NDFIP2: variants seen among roughly 807,000 people sequenced by gnomAD.
The protein encoded by NDFIP2 is NEDD4 family-interacting protein 2.
NDFIP2 carries 19 observed loss-of-function variants against 36.0 expected under a neutral mutation model. The observed-to-expected ratio is 0.53, with a 90% CI of 0.37 to 0.77. The LOEUF (loss-of-function observed/expected upper bound fraction) is 0.77, where lower values mean the gene tolerates loss of function less well. Ranked by LOEUF, NDFIP2 falls within the 30% of genes least tolerant of loss-of-function variation. NDFIP2 has a pLI of 0.00. For synonymous variants in NDFIP2, 181 were observed against 167.7 expected (o/e 1.08, Z -0.61); for missense variants, 446 against 435.8 (o/e 1.02, Z -0.21).
At chr13:79,541,501 C>T (rs1228360582) in intron 4 of NDFIP2, among the ~76,000 whole-genome samples, 1 of 151,630 alleles carries the variant, frequency 6.6e-6, no homozygotes, top group East Asian at 1.9e-4. Context: ...TCCTGTTTTA[C>T]AAATATTGTA....
chr13:79,509,720 C>T lies in NDFIP2; in HGVS notation c.322-11090C>T, dbSNP rs1399026492. Among the ~76,000 whole-genome samples, 3 of 147,428 alleles carry T rather than the reference C, an allele frequency of 2.0e-5. No individual in the cohort carries two copies. In the East Asian group the frequency reaches 5.9e-4, roughly 29 times the overall value. ...AGAGAGAGAGAGAAGTTTATTAACT[C>T]ACACGATCACAAGGTCCCACAGTAG... On this transcript the variant is annotated intron_variant, in intron 1 of 7. Coordinates refer to ENST00000218652, the MANE Select transcript of NDFIP2 (RefSeq NM_019080.3).
chr13:79,522,314 T>C (rs1874617796), intron 2 of NDFIP2, among the ~76,000 whole-genome samples: 1 of 152,186 alleles, frequency 6.6e-6, no homozygotes, highest in Non-Finnish European at 1.5e-5. Context: ...GTTTTCACAA[T>C]ATAATAATAA....
intron 1 of NDFIP2, among the ~76,000 whole-genome samples, chr13:79,482,989 A>C (rs1010554564): frequency 6.6e-6 from 1 of 152,194 alleles, no homozygotes; most frequent in Non-Finnish European, 1.5e-5. Context: ...AACTTGTTTC[A>C]TTTTTCCTAC....
chr13:79,516,847 G>A (rs1253832494), intron 1 of NDFIP2, among the ~76,000 whole-genome samples: 1 of 152,100 alleles, frequency 6.6e-6, no homozygotes, highest in Non-Finnish European at 1.5e-5. Context: ...AGAACATTCA[G>A]TGAGGTCTCT....
In NDFIP2 at chr13:79,554,085, CTAA is replaced by C. The variant is rs1307650624; in HGVS notation, c.*1575_*1577del. ...TGATAAATAAAACAGTTTTGTTTTGCTAATATAGCCTATTTTTTGTTTTGTCTC... is the reference window on the plus strand; with the variant it reads ...TGATAAATAAAACAGTTTTGTTTTGCTATAGCCTATTTTTTGTTTTGTCTC... On this transcript the variant is annotated 3_prime_UTR_variant, in exon 8 of 8. Coordinates refer to ENST00000218652, the MANE Select transcript of NDFIP2 (RefSeq NM_019080.3). 2.0e-5 allele frequency: 3 copies of C among 151,332 alleles called. No homozygotes were observed. Among genetic ancestry groups the C allele is most frequent in the African/African-American group, 7.3e-5 (3 of 41,342 alleles). 9.4% of individuals were successfully genotyped at this position (151,332 alleles called of 1,614,324 possible). A position where few individuals can be genotyped will look rare whatever the true frequency, so the allele number is the denominator to read the frequency against.
intron 1 of NDFIP2, 75 bp downstream of exon 1, chr13:79,481,599 A>G: frequency 1.4e-6 from 2 of 1,449,136 alleles, no homozygotes; most frequent in South Asian, 1.3e-5. Context: ...TCCTCAGGTT[A>G]TTCCCGGAGG....
chr13:79,546,080 C>T (rs138973660), intron 5 of NDFIP2, among the ~76,000 whole-genome samples: 1 of 152,248 alleles, frequency 6.6e-6, no homozygotes, highest in African/African-American at 2.4e-5. Flanking sequence ...CAATTCATTG[C>T]CTATTTTCCT....
chr13:79,524,879 C>A (rs1458605250), intron 2 of NDFIP2, among the ~76,000 whole-genome samples: 1 of 152,160 alleles, frequency 6.6e-6, no homozygotes, highest in African/African-American at 2.4e-5. Flanking sequence ...TCTGTCCTTC[C>A]ATGTTTTATG....
intron 1 of NDFIP2, among the ~76,000 whole-genome samples, chr13:79,492,007 A>G (rs931060190): frequency 3.3e-4 from 50 of 152,216 alleles, no homozygotes; most frequent in Non-Finnish European, 1.3e-4. Context: ...GTACAGTTTA[A>G]TATTTTAAAA....
At chr13:79,496,392 G>A (rs184340643) in intron 1 of NDFIP2, among the ~76,000 whole-genome samples, 1 of 151,884 alleles carries the variant, frequency 6.6e-6, no homozygotes, top group East Asian at 1.9e-4. Context: ...TGACCACCAT[G>A]GTTTCTGATG....
At chr13:79,497,677 T>TTTTC (rs1555356380) in intron 1 of NDFIP2, among the ~76,000 whole-genome samples, 1 of 147,080 alleles carries the variant, frequency 6.8e-6, no homozygotes, top group Non-Finnish European at 1.5e-5. Flanking sequence ...TTTTTTTTTT[T>TTTTC]CTATTCCTTG....
intron 1 of NDFIP2, among the ~76,000 whole-genome samples, chr13:79,495,464 T>C (rs1048444834): frequency 9.9e-5 from 15 of 151,996 alleles, no homozygotes; most frequent in African/African-American, 3.6e-4. Flanking sequence ...TCTTATTTTA[T>C]ATTTAGGTTG....
At chr13:79,481,888 A>T (rs1486949296) in intron 1 of NDFIP2, among the ~76,000 whole-genome samples, 4 of 152,120 alleles carry the variant, frequency 2.6e-5, no homozygotes, top group Admixed American at 2.6e-4. Context: ...TCGATTGTCT[A>T]CTGGAAATGG....
chr13:79,519,399 G>T (rs553500291), intron 1 of NDFIP2, among the ~76,000 whole-genome samples: 1 of 152,164 alleles, frequency 6.6e-6, no homozygotes, highest in South Asian at 2.1e-4. Context: ...ACTTTTTATC[G>T]TATTGATGCC....
chr13:79,509,158 C>T (rs1275856422), intron 1 of NDFIP2, among the ~76,000 whole-genome samples: 3 of 152,112 alleles, frequency 2.0e-5, no homozygotes, highest in Admixed American at 2.0e-4. Flanking sequence ...TCAGGAGGTC[C>T]TGACAACATG....
chr13:79,529,764 A>G (rs1472252338), intron 2 of NDFIP2, among the ~76,000 whole-genome samples: 1 of 152,206 alleles, frequency 6.6e-6, no homozygotes, highest in Non-Finnish European at 1.5e-5. Context: ...AGTAAAATGT[A>G]TTTTTAGGTT....
At chr13:79,526,047 A>T (rs1874783250) in intron 2 of NDFIP2, among the ~76,000 whole-genome samples, 1 of 152,192 alleles carries the variant, frequency 6.6e-6, no homozygotes, top group African/African-American at 2.4e-5. Context: ...TAGCAGATGG[A>T]GAGAAGAGGT....
chr13:79,525,538 T>G (rs1389779026), intron 2 of NDFIP2, among the ~76,000 whole-genome samples: 1 of 152,210 alleles, frequency 6.6e-6, no homozygotes, highest in Admixed American at 6.5e-5. Context: ...TTGGAGCCAT[T>G]ATTAAGTAAA....
rs966316374 is a variant in NDFIP2 at position 79,555,517 on chromosome 13, A to G, written c.*3004A>G. 2 of 151,902 alleles carry G rather than the reference A, an allele frequency of 1.3e-5. No homozygotes were observed. Among genetic ancestry groups the G allele is most frequent in the African/African-American group, 4.8e-5 (2 of 41,408 alleles). 9.4% of individuals were successfully genotyped at this position (151,902 alleles called of 1,614,324 possible). ...TGGAACTGGGGTAAGGGCAGGAGCC[A>G]GTTATTATTGCCACAGTGTTTTCTA... On this transcript the variant is annotated 3_prime_UTR_variant, in exon 8 of 8. Coordinates refer to ENST00000218652, the MANE Select transcript of NDFIP2 (RefSeq NM_019080.3).
Sources: gnomAD v4.1 joint callset for allele counts (sites outside exome capture counted in the v4.1 genomes callset) on GRCh38, gnomAD v4.1.1 for gene constraint, MANE v1.5 for transcripts, NCBI Gene and HGNC (gene_info 2026-07-23, HGNC 2026-07-21) for gene names.